The following CAB39L variants were observed in gnomAD, a reference collection of about 807,000 sequenced individuals.
The protein encoded by CAB39L is calcium-binding protein 39-like.
Under a neutral mutation model 39.1 loss-of-function variants are expected in CAB39L, and 23 were observed. That is an observed-to-expected ratio of 0.59 (90% CI 0.42 to 0.83). The LOEUF (loss-of-function observed/expected upper bound fraction) is 0.83. Among genes scored for constraint, CAB39L ranks in the 40% least tolerant of loss-of-function variants. CAB39L has a pLI of 0.00. For synonymous variants in CAB39L, 126 were observed against 137.2 expected (o/e 0.92, Z 0.57); for missense variants, 366 against 391.9 (o/e 0.93, Z 0.56).
At chr13:49,377,158 T>G in intron 4 of CAB39L, 27 bp from the exon 5 acceptor site, 1 of 1,593,466 alleles carries the variant, frequency 6.3e-7, no homozygotes, top group Non-Finnish European at 8.6e-7. Context: ...ATGCTAACGG[T>G]TAAAAGAATA....
Position 49,409,368 on chromosome 13 carries a change from G to A in CAB39L, c.-32+23950C>T, listed in dbSNP as rs78072830. On this transcript the variant is annotated intron_variant, in intron 3 of 10. Coordinates refer to ENST00000409308, the MANE Select transcript of CAB39L (RefSeq NM_001079670.3). ...GGAATGAGGTAATAGAGAAATGAAC[G>A]TATATTACTGTTTCCAAGTGTTGGA... 6.1e-3 allele frequency among the ~76,000 whole-genome samples: 931 copies of A among 151,518 alleles called. 5 individuals carry two copies. Among genetic ancestry groups the A allele is most frequent in the Non-Finnish European group, 8.9e-3 (602 of 67,908 alleles).
At chr13:49,403,275 T>A (rs1314701521) in intron 3 of CAB39L, among the ~76,000 whole-genome samples, 1 of 152,082 alleles carries the variant, frequency 6.6e-6, no homozygotes, top group African/African-American at 2.4e-5. Context: ...CAAATTAGTT[T>A]TAGATTAAAG....
At chr13:49,417,868 A>C (rs1957109971) in intron 3 of CAB39L, among the ~76,000 whole-genome samples, 1 of 152,210 alleles carries the variant, frequency 6.6e-6, no homozygotes, top group Non-Finnish European at 1.5e-5. Context: ...AAGTGAGAAT[A>C]CCCACTAGGG....
chr13:49,356,509 T>C (rs1408058893), intron 6 of CAB39L, among the ~76,000 whole-genome samples: 4 of 152,198 alleles, frequency 2.6e-5, no homozygotes, highest in African/African-American at 9.6e-5. Context: ...CCAAATACAT[T>C]TTACCATGTT....
intron 9 of CAB39L, among the ~76,000 whole-genome samples, chr13:49,337,732 GCACACA>G (rs57089737): frequency 0.069 from 9,869 of 144,034 alleles, 352 homozygotes; most frequent in Non-Finnish European, 0.078. Flanking sequence ...CTGCTCTGGC[GCACACA>G]CACACACACA....
chr13:49,329,552 T>C (rs1350459409), intron 10 of CAB39L, among the ~76,000 whole-genome samples: 21 of 6,018 alleles, frequency 3.5e-3, no homozygotes, highest in African/African-American at 0.019. Context: ...AAAATATATA[T>C]ATATATATAT....
intron 7 of CAB39L, among the ~76,000 whole-genome samples, chr13:49,346,236 T>G (rs560817361): frequency 6.9e-6 from 1 of 145,448 alleles, no homozygotes; most frequent in South Asian, 2.2e-4. Flanking sequence ...ATGTACATAA[T>G]AAATGTATAT....
chr13:49,413,679 A>G (rs67626349), intron 3 of CAB39L: 12,957 of 152,226 alleles, frequency 0.085, 663 homozygotes, highest in East Asian at 0.21. Flanking sequence ...TATTCCCTGT[A>G]CACTTGGCCC....
At chr13:49,391,446 G>T (rs1956486952) in intron 3 of CAB39L, among the ~76,000 whole-genome samples, 1 of 152,130 alleles carries the variant, frequency 6.6e-6, no homozygotes, top group Non-Finnish European at 1.5e-5. Context: ...TGTCTGTGAT[G>T]CTTAATATGA....
intron 1 of CAB39L, among the ~76,000 whole-genome samples, chr13:49,434,833 A>C (rs1957384300): frequency 6.6e-6 from 1 of 152,174 alleles, no homozygotes. Flanking sequence ...TTCTAGAGCC[A>C]CTAGAATTTG....
intron 9 of CAB39L, among the ~76,000 whole-genome samples, chr13:49,332,398 G>A (rs547956348): frequency 4.6e-5 from 7 of 151,986 alleles, no homozygotes; most frequent in South Asian, 2.1e-4. Flanking sequence ...ATCTTGCTTC[G>A]CACTAATGTA....
At chr13:49,315,243 C>T (rs994094811) in intron 10 of CAB39L, among the ~76,000 whole-genome samples, 3 of 152,174 alleles carry the variant, frequency 2.0e-5, no homozygotes, top group Non-Finnish European at 2.9e-5. Context: ...CCTGTGGTCA[C>T]GAGTGGCTCA....
chr13:49,395,120 T>C (rs867635685), intron 3 of CAB39L, among the ~76,000 whole-genome samples: 1 of 152,212 alleles, frequency 6.6e-6, no homozygotes, highest in African/African-American at 2.4e-5. Flanking sequence ...TAATAGATCA[T>C]GCAAATGCTT....
At chr13:49,386,269 A>T (rs1458069647) in intron 3 of CAB39L, among the ~76,000 whole-genome samples, 1 of 152,192 alleles carries the variant, frequency 6.6e-6, no homozygotes, top group African/African-American at 2.4e-5. Flanking sequence ...AAACGTTTTC[A>T]GGGTTTCCAT....
At chr13:49,335,955 T>A (rs976837897) in intron 9 of CAB39L, among the ~76,000 whole-genome samples, 7 of 152,164 alleles carry the variant, frequency 4.6e-5, no homozygotes, top group Non-Finnish European at 1.0e-4. Flanking sequence ...TATATAATAA[T>A]CTAACCTCTC....
intron 5 of CAB39L, among the ~76,000 whole-genome samples, chr13:49,366,411 G>A (rs748138933): frequency 1.3e-5 from 2 of 150,982 alleles, no homozygotes; most frequent in Admixed American, 6.6e-5. Flanking sequence ...ATGCTCTCAC[G>A]AGGTCAGGAG....
chr13:49,339,774 A>G, intron 8 of CAB39L, 32 bp from the exon 9 acceptor site: 1 of 1,513,924 alleles, frequency 6.6e-7, no homozygotes, highest in East Asian at 2.5e-5. Context: ...TTAGAGTGTA[A>G]AAGCAGCAGT....
chr13:49,327,859 A>G (rs1954549057), intron 10 of CAB39L, among the ~76,000 whole-genome samples: 1 of 152,184 alleles, frequency 6.6e-6, no homozygotes, highest in South Asian at 2.1e-4. Flanking sequence ...TTCCCATTTT[A>G]AACAATGTTG....
At chr13:49,377,155 C>T (rs370379880) in intron 4 of CAB39L, 24 bp from the exon 5 acceptor site, 19 of 1,593,642 alleles carry the variant, frequency 1.2e-5, no homozygotes, top group African/African-American at 2.7e-5. Flanking sequence ...CGTATGCTAA[C>T]GGTTAAAAGA....
Sources: allele counts gnomAD v4.1 joint callset (sites outside exome capture counted in the v4.1 genomes callset), GRCh38; gene constraint gnomAD v4.1.1; transcripts MANE v1.5; gene names NCBI Gene and HGNC (gene_info 2026-07-23, HGNC 2026-07-21).